The following CNTN5 variants were observed in gnomAD, a reference collection of about 807,000 sequenced individuals.
The protein encoded by CNTN5 is contactin-5.
In CNTN5, 77 loss-of-function variants were observed where a neutral mutation model predicts 129.1. The observed-to-expected ratio is 0.60, with a 90% CI of 0.50 to 0.72. The LOEUF is 0.72. CNTN5 is among the 30% of genes least tolerant of loss of function. The pLI is 0.00. For missense variants in CNTN5, 1,478 were observed against 1,328.8 expected (o/e 1.11, Z -1.75); for synonymous variants, 509 against 465.6 (o/e 1.09, Z -1.20).
intron 3 of CNTN5, among the ~76,000 whole-genome samples, chr11:99,646,825 A>G: frequency 6.6e-6 from 1 of 151,778 alleles, no homozygotes; most frequent in African/African-American, 2.4e-5. Flanking sequence ...AAAAAAAAAA[A>G]AAGGAAAAAA....
chr11:100,047,302 A>T (rs761648285), intron 9 of CNTN5, among the ~76,000 whole-genome samples: 3 of 152,112 alleles, frequency 2.0e-5, no homozygotes, highest in Non-Finnish European at 4.4e-5. Flanking sequence ...ACCAGGTCAC[A>T]GGGGTAGGGT....
intron 3 of CNTN5, among the ~76,000 whole-genome samples, chr11:99,737,276 ATTC>A (rs1347278210): frequency 6.6e-6 from 1 of 152,098 alleles, no homozygotes; most frequent in East Asian, 1.9e-4. Context: ...AACTTATCAT[ATTC>A]TTCGTATTTA....
chr11:100,155,260 CTATT>C (rs1236309288), intron 13 of CNTN5, among the ~76,000 whole-genome samples: 1 of 152,132 alleles, frequency 6.6e-6, no homozygotes, highest in Non-Finnish European at 1.5e-5. Flanking sequence ...TTTCCCAACA[CTATT>C]TATTACATAT....
intron 3 of CNTN5, among the ~76,000 whole-genome samples, chr11:99,685,455 G>A (rs1953749116): frequency 6.6e-6 from 1 of 151,804 alleles, no homozygotes; most frequent in African/African-American, 2.4e-5. Flanking sequence ...AAGAGAGAAA[G>A]TAAAAAATAT....
chr11:99,374,825 AATAGAAAACTCTG>A (rs140511286), intron 2 of CNTN5, among the ~76,000 whole-genome samples: 35,536 of 152,136 alleles, frequency 0.23, 5,178 homozygotes, highest in Middle Eastern at 0.35. Flanking sequence ...CACCAAATGC[AATAGAAAACTCTG>A]AAAGAATGAA....
rs548371299 is a variant in CNTN5 at position 99,420,130 on chromosome 11, G to A, written c.-71+94646G>A. Among the ~76,000 whole-genome samples the A allele has an allele frequency of 5.6e-4, 85 of 152,122 alleles. 1 individual carries two copies. The highest frequency in any genetic ancestry group is 3.3e-3 in the Admixed American group (51 of 15,238). ...CCCTCTATTTACTTATAAATTCCCC[G>A]GATACAAGGCTGCAGAACCGTGACT... On this transcript the variant is annotated intron_variant, in intron 2 of 24. Coordinates refer to ENST00000524871, the MANE Select transcript of CNTN5 (RefSeq NM_014361.4).
chr11:99,254,762 CTTA>C (rs1305213148), intron 1 of CNTN5, among the ~76,000 whole-genome samples: 1 of 151,826 alleles, frequency 6.6e-6, no homozygotes, highest in Admixed American at 6.6e-5. Context: ...ATTTAATTAA[CTTA>C]TTGTGGTCAT....
chr11:100,244,134 T>C (rs1219334713), intron 16 of CNTN5, among the ~76,000 whole-genome samples: 1 of 152,208 alleles, frequency 6.6e-6, no homozygotes, highest in Non-Finnish European at 1.5e-5. Context: ...GTTTAAGGTC[T>C]TCCCTTAACC....
chr11:99,591,136 G>A (rs1949965990), intron 3 of CNTN5, among the ~76,000 whole-genome samples: 1 of 151,916 alleles, frequency 6.6e-6, no homozygotes, highest in Non-Finnish European at 1.5e-5. Flanking sequence ...GAGGCTTTAC[G>A]AGACGTTTAG....
intron 20 of CNTN5, among the ~76,000 whole-genome samples, chr11:100,303,947 C>G (rs1326372135): frequency 6.6e-6 from 1 of 151,494 alleles, no homozygotes; most frequent in East Asian, 1.9e-4. Context: ...GAAACCATAC[C>G]CTTTCTCTCA....
At chr11:99,892,080 T>G (rs1949075424) in intron 6 of CNTN5, among the ~76,000 whole-genome samples, 1 of 152,044 alleles carries the variant, frequency 6.6e-6, no homozygotes, top group African/African-American at 2.4e-5. Flanking sequence ...TCTAATGTAA[T>G]GATGAGCTTT....
chr11:100,140,367 G>A (rs1946656656), intron 13 of CNTN5, among the ~76,000 whole-genome samples: 1 of 152,088 alleles, frequency 6.6e-6, no homozygotes, highest in Non-Finnish European at 1.5e-5. Context: ...TGTAAAGAGG[G>A]GGAAGTAAAA....
At position 100,147,298 on chromosome 11, in the gene CNTN5, C is replaced by T. The variant is rs533900866; in HGVS notation, c.1581-43828C>T. Among the ~76,000 whole-genome samples, 105 of 152,186 alleles carry T rather than the reference C, an allele frequency of 6.9e-4. 3 individuals are homozygous for T. The highest frequency in any genetic ancestry group is 1.3e-3 in the African/African-American group (56 of 41,532). On this transcript the variant is annotated intron_variant, in intron 13 of 24. Coordinates refer to ENST00000524871, the MANE Select transcript of CNTN5 (RefSeq NM_014361.4). ...CATAGGGGAAAGGAATGAGCTCTTC[C>T]GTCTGGTCTTTTTATCTCCCTTCTT...
intron 13 of CNTN5, among the ~76,000 whole-genome samples, chr11:100,131,617 C>A (rs1278157243): frequency 6.6e-6 from 1 of 151,648 alleles, no homozygotes; most frequent in Non-Finnish European, 1.5e-5. Context: ...GAAAAGGGAA[C>A]AAAGCCCACT....
chr11:99,859,998 C>T (rs1591323532), intron 6 of CNTN5, among the ~76,000 whole-genome samples: 1 of 152,156 alleles, frequency 6.6e-6, no homozygotes, highest in Non-Finnish European at 1.5e-5. Context: ...AAAAGTCTCG[C>T]CAACATCTGT....
intron 6 of CNTN5, among the ~76,000 whole-genome samples, chr11:99,896,410 G>C (rs909583203): frequency 6.6e-6 from 1 of 152,150 alleles, no homozygotes; most frequent in African/African-American, 2.4e-5. Context: ...GATTGAGAGA[G>C]ACTGAAGAGA....
At chr11:99,308,229 C>T (rs1374855054) in intron 1 of CNTN5, among the ~76,000 whole-genome samples, 1 of 152,148 alleles carries the variant, frequency 6.6e-6, no homozygotes, top group Admixed American at 6.6e-5. Flanking sequence ...ATTCTTCCAT[C>T]AGTTCAAGAA....
chr11:99,743,061 C>T (rs779817184), intron 3 of CNTN5, among the ~76,000 whole-genome samples: 3 of 152,098 alleles, frequency 2.0e-5, no homozygotes, highest in Non-Finnish European at 4.4e-5. Flanking sequence ...AGCCATGAAG[C>T]ACTTCAAATG....
chr11:99,180,622 G>A lies in CNTN5; in HGVS notation c.-209-144724G>A, dbSNP rs377154454. 3.5e-4 allele frequency among the ~76,000 whole-genome samples: 53 copies of A among 152,232 alleles called. 2 individuals carry two copies. The South Asian group carries it at 0.011, about 30-fold the overall frequency. On this transcript the variant is annotated intron_variant, in intron 1 of 24. Transcript: ENST00000524871. Reference sequence around the variant, plus strand: ...GCTCACACAACCTGTTTCGGGACTTGGTGACTGTTGTTTGTGTCCATGTTC... The same window carrying A: ...GCTCACACAACCTGTTTCGGGACTTAGTGACTGTTGTTTGTGTCCATGTTC...
Sources: allele counts gnomAD v4.1 joint callset (sites outside exome capture counted in the v4.1 genomes callset), GRCh38; gene constraint gnomAD v4.1.1; transcripts MANE v1.5; gene names NCBI Gene and HGNC (gene_info 2026-07-23, HGNC 2026-07-21).